Variants in CELF4 observed in about 807,000 individuals in gnomAD.
The protein encoded by CELF4 is CUG-BP- and ETR-3-like factor 4.
Under a neutral mutation model 59.9 loss-of-function variants are expected in CELF4, and 18 were observed. The ratio of observed to expected loss-of-function variants is 0.30; its 90% confidence interval spans 0.21 to 0.45. The LOEUF is 0.45. CELF4 is among the 20% of genes least tolerant of loss of function. The pLI, the probability that CELF4 is intolerant of heterozygous loss-of-function variation, is 1.00. For synonymous variants in CELF4, 261 were observed against 267.1 expected (o/e 0.98, Z 0.22); for missense variants, 456 against 689.0 (o/e 0.66, Z 3.79).
chr18:37,312,124 A>G (rs1410642483), intron 3 of CELF4, among the ~76,000 whole-genome samples: 4 of 118,006 alleles, frequency 3.4e-5, no homozygotes, highest in Non-Finnish European at 1.9e-5. Context: ...AAAAAAAAAA[A>G]AAAAAAGAAA....
chr18:37,320,794 G>T (rs1367918116), intron 3 of CELF4, among the ~76,000 whole-genome samples: 2 of 152,160 alleles, frequency 1.3e-5, no homozygotes, highest in Non-Finnish European at 2.9e-5. Flanking sequence ...GGTGGGCCAG[G>T]AAGAGGGCAC....
chr18:37,297,040 A>G lies in CELF4; in HGVS notation c.449-21797T>C, dbSNP rs201294624. Reference sequence around the variant, plus strand: ...AGAAATCAACTAGGGAGATGTTGACAGCGAGCAGGGAGAGAAGAGGGGAGC... The same window carrying G: ...AGAAATCAACTAGGGAGATGTTGACGGCGAGCAGGGAGAGAAGAGGGGAGC... On this transcript the variant is annotated intron_variant, in intron 3 of 12. Coordinates refer to ENST00000420428, the MANE Select transcript of CELF4 (RefSeq NM_020180.4). Among the ~76,000 whole-genome samples the G allele has an allele frequency of 1.8e-4, 28 of 152,308 alleles. No homozygotes were observed. In the East Asian group the frequency reaches 5.2e-3, roughly 28 times the overall value.
chr18:37,494,592 C>T (rs1398763453), intron 1 of CELF4, among the ~76,000 whole-genome samples: 1 of 152,208 alleles, frequency 6.6e-6, no homozygotes, highest in Non-Finnish European at 1.5e-5. Context: ...TGTGCATGAT[C>T]TCACCATTCT....
chr18:37,537,569 C>G (rs2099974516), intron 1 of CELF4, among the ~76,000 whole-genome samples: 1 of 152,152 alleles, frequency 6.6e-6, no homozygotes, highest in Admixed American at 6.5e-5. Context: ...TACAGGTCTT[C>G]GGGGACCATT....
At chr18:37,453,496 G>T (rs1259304644) in intron 2 of CELF4, among the ~76,000 whole-genome samples, 2 of 152,210 alleles carry the variant, frequency 1.3e-5, no homozygotes, top group Non-Finnish European at 2.9e-5. Flanking sequence ...CTTCACTGGG[G>T]CTGGAGGCTG....
chr18:37,315,319 C>A (rs139183394), intron 3 of CELF4, among the ~76,000 whole-genome samples: 101 of 152,232 alleles, frequency 6.6e-4, no homozygotes, highest in African/African-American at 2.2e-3. Flanking sequence ...GAAACACAGA[C>A]AAGATGAGCA....
intron 12 of CELF4, among the ~76,000 whole-genome samples, chr18:37,249,849 G>C (rs1294782095): frequency 2.0e-5 from 3 of 152,142 alleles, no homozygotes; most frequent in Non-Finnish European, 4.4e-5. Flanking sequence ...AAGCAAAGGA[G>C]GGCCAGGCCG....
intron 1 of CELF4, among the ~76,000 whole-genome samples, chr18:37,511,815 C>T (rs961943065): frequency 6.6e-6 from 1 of 152,084 alleles, no homozygotes; most frequent in Non-Finnish European, 1.5e-5. Flanking sequence ...TCTCCACCCA[C>T]TTTATAAATA....
chr18:37,382,420 C>A (rs932388832), intron 2 of CELF4, among the ~76,000 whole-genome samples: 1 of 152,224 alleles, frequency 6.6e-6, no homozygotes, highest in Non-Finnish European at 1.5e-5. Flanking sequence ...ACAGCAGGTC[C>A]ATAACCAAAC....
chr18:37,316,073 C>G (rs535659830), intron 3 of CELF4, among the ~76,000 whole-genome samples: 1 of 152,220 alleles, frequency 6.6e-6, no homozygotes, highest in Non-Finnish European at 1.5e-5. Flanking sequence ...CTAGGGACAC[C>G]CATGGAGACT....
rs1043904147 is a variant in CELF4, at chr18:37,520,651, T to C, written c.287-35044A>G. On this transcript the variant is annotated intron_variant, in intron 1 of 12. Transcript: ENST00000420428. ...TGTCTGTCTAGCTGGCTGGTTCCCG[T>C]AATCAAAAAGCCCACTTTGAAAGCC... Among the ~76,000 whole-genome samples, 3 of 152,084 alleles carry C rather than the reference T, an allele frequency of 2.0e-5. No individual in the cohort carries two copies. In the East Asian group the frequency reaches 5.8e-4, roughly 29 times the overall value.
intron 2 of CELF4, among the ~76,000 whole-genome samples, chr18:37,468,333 G>A (rs915305971): frequency 6.6e-6 from 1 of 152,196 alleles, no homozygotes; most frequent in Non-Finnish European, 1.5e-5. Flanking sequence ...GCTGGCCTCA[G>A]AGGCCTAGCC....
intron 2 of CELF4, among the ~76,000 whole-genome samples, chr18:37,470,877 T>TGA (rs1569569550): frequency 2.1e-5 from 2 of 96,996 alleles, no homozygotes; most frequent in Non-Finnish European, 4.2e-5. Context: ...TGTGTGTGTG[T>TGA]GTGTGTGTGT....
chr18:37,541,234 C>G (rs2099977559), intron 1 of CELF4, among the ~76,000 whole-genome samples: 1 of 152,070 alleles, frequency 6.6e-6, no homozygotes, highest in Non-Finnish European at 1.5e-5. Flanking sequence ...ATCTAACAGG[C>G]CTCCCGCTCT....
At chr18:37,388,183 A>G (rs923421996) in intron 2 of CELF4, among the ~76,000 whole-genome samples, 9 of 152,082 alleles carry the variant, frequency 5.9e-5, no homozygotes, top group Non-Finnish European at 8.8e-5. Context: ...GGGAAAAAGA[A>G]AGGTGAGGCT....
intron 2 of CELF4, among the ~76,000 whole-genome samples, chr18:37,331,051 C>G (rs530697893): frequency 7.9e-5 from 12 of 152,298 alleles, no homozygotes; most frequent in Non-Finnish European, 4.4e-5. Flanking sequence ...ACTCCCCACT[C>G]TGAGGAGGCC....
At chr18:37,257,267 G>A (rs779790268) in intron 11 of CELF4, among the ~76,000 whole-genome samples, 1 of 152,188 alleles carries the variant, frequency 6.6e-6, no homozygotes, top group African/African-American at 2.4e-5. Flanking sequence ...GGCGCCCAGA[G>A]CTTCCTGGGC....
chr18:37,290,097 C>T (rs957165008), intron 3 of CELF4, among the ~76,000 whole-genome samples: 6 of 152,090 alleles, frequency 3.9e-5, no homozygotes, highest in Non-Finnish European at 8.8e-5. Context: ...TTAAGGGCAG[C>T]CTGGTGTCTG....
intron 2 of CELF4, among the ~76,000 whole-genome samples, chr18:37,426,660 G>A (rs976563967): frequency 2.0e-5 from 3 of 152,238 alleles, no homozygotes; most frequent in Non-Finnish European, 2.9e-5. Flanking sequence ...GGACTGCAGA[G>A]GGTGCGGTGC....
Sources: allele counts gnomAD v4.1 joint callset (sites outside exome capture counted in the v4.1 genomes callset), GRCh38; gene constraint gnomAD v4.1.1; transcripts MANE v1.5; gene names NCBI Gene and HGNC (gene_info 2026-07-23, HGNC 2026-07-21).